DHX16: variants seen among roughly 807,000 people sequenced by gnomAD.
The protein encoded by DHX16 is DEAH-box helicase 16, also known as pre-mRNA-splicing factor ATP-dependent RNA helicase DHX16.
Under a neutral mutation model 131.2 loss-of-function variants are expected in DHX16, and 81 were observed. That is an observed-to-expected ratio of 0.62 (90% confidence interval 0.52 to 0.74). The LOEUF is 0.74. DHX16 is among the 30% of genes least tolerant of loss of function. DHX16 has a pLI of 0.00. For missense variants in DHX16, 980 were observed against 1,363.1 expected (o/e 0.72, Z 4.43); for synonymous variants, 440 against 520.2 (o/e 0.85, Z 2.10).
In DHX16 at chr6:30,656,099, A is replaced by G; in HGVS notation, c.2498+99T>C. The G allele has an allele frequency of 2.6e-6, 3 of 1,134,950 alleles. No individual in the cohort carries two copies. The highest frequency in any genetic ancestry group is 2.5e-5 in the South Asian group (2 of 81,288). 70.3% of individuals were successfully genotyped at this position (1,134,950 alleles called of 1,614,324 possible). A position where few individuals can be genotyped will look rare whatever the true frequency, so the allele number is the denominator to read the frequency against. ...AATACTTTATTATGTGTTAAGGGAT[A>G]GTATGATGAACAGAAAAAGACAGAC... On this transcript the variant is annotated intron_variant, in intron 16 of 19. Transcript: ENST00000376442. The surrounding 1 kb of genome is among the most constrained non-coding windows in gnomAD (Gnocchi z 5.1).
chr6:30,672,652 G>A lies in DHX16; in HGVS notation c.190C>T (p.Leu64=), dbSNP rs779309174. The A allele has an allele frequency of 3.8e-5, 62 of 1,612,518 alleles. No individual in the cohort carries two copies. The South Asian group carries it at 6.3e-4, about 16-fold the overall frequency. The part of the protein sequence containing the change: ...DLSGPARDFA[L]RLWNKVPRKA... ...GCCGACACCTTGTTCCAGAGTCTCA[G>A]GGCGAAGTCCCGGGCCGGCCCACTG... The change falls in exon 1 of 20, where the codon CTG becomes TTG. Residue 64 remains leucine, a synonymous_variant. Coordinates refer to ENST00000376442, the MANE Select transcript of DHX16 (RefSeq NM_003587.5).
At position 30,656,935 on chromosome 6, in the gene DHX16, T is replaced by G. The variant is rs749899750; in HGVS notation, c.2148+17A>C. On this transcript the variant is annotated intron_variant, in intron 13 of 19. Transcript: ENST00000376442. The surrounding 1 kb of genome is among the most constrained non-coding windows in gnomAD (Gnocchi z 5.1). ...GCCAACTCCACCTCCCCCACTCCCATGCATCCCCAGGCTGACCTTGCTGCA... is the reference window on the plus strand; with the variant it reads ...GCCAACTCCACCTCCCCCACTCCCAGGCATCCCCAGGCTGACCTTGCTGCA... 1 of 1,607,912 alleles carries G rather than the reference T, an allele frequency of 6.2e-7. No homozygotes were observed. Among genetic ancestry groups the G allele is most frequent in the Non-Finnish European group, 8.5e-7 (1 of 1,176,858 alleles).
Position 30,664,805 on chromosome 6 carries a change from T to A in DHX16, c.1313A>T (p.Glu438Val). 6.2e-7 allele frequency: 1 copy of A among 1,612,226 alleles called. No individual in the cohort carries two copies. Among genetic ancestry groups the A allele is most frequent in the Non-Finnish European group, 8.5e-7 (1 of 1,179,352 alleles). Residue 438 changes from glutamate (E) to valine (V), a missense_variant, in exon 7 of 20, where the codon GAG becomes GTG. By Grantham distance (121) the Glu-to-Val change is moderately radical. Coordinates refer to ENST00000376442, the MANE Select transcript of DHX16 (RefSeq NM_003587.5). ...KTTQIPQYLF[E>V]EGYTNKGMKI... ...TGAAGGGTGAGATGACTGTACCTCCTCAAAGAGATACTGCGGGATCTGGGT... is the reference window on the plus strand; with the variant it reads ...TGAAGGGTGAGATGACTGTACCTCCACAAAGAGATACTGCGGGATCTGGGT...
chr6:30,668,420 G>C (rs6933249), intron 4 of DHX16, among the ~76,000 whole-genome samples: 7,453 of 152,202 alleles, frequency 0.049, 368 homozygotes, highest in African/African-American at 0.12. Flanking sequence ...GGAGACCGAG[G>C]GGGGTGGATC....
rs185318887 is a variant in DHX16, at chr6:30,667,110, T to C, written c.667-1377A>G. On this transcript the variant is annotated intron_variant, in intron 4 of 19. Transcript: ENST00000376442. ...AAACAAAAAACAAGGGAAAAAAATC[T>C]GTCACCAGTGAAATGACTGTTACAG... 6.9e-4 allele frequency among the ~76,000 whole-genome samples: 105 copies of C among 152,298 alleles called. 2 individuals carry two copies. The East Asian group carries it at 0.017, about 24-fold the overall frequency.
At chr6:30,669,766 AAG>A (rs1554166989) in intron 4 of DHX16, among the ~76,000 whole-genome samples, 15 of 151,004 alleles carry the variant, frequency 9.9e-5, no homozygotes, top group Admixed American at 6.6e-4. Context: ...AAAAAAAAAA[AAG>A]GAACTTCAAG....
rs778776322 is a variant in DHX16 at position 30,660,082 on chromosome 6, CAG to C, written c.1703_1704del (p.Pro568ArgfsTer22). 11 of 1,612,736 alleles carry C rather than the reference CAG, an allele frequency of 6.8e-6. No individual in the cohort carries two copies. Among genetic ancestry groups the C allele is most frequent in the Non-Finnish European group, 9.3e-6 (11 of 1,179,942 alleles). ...AACCTGCGTCCGGGGATTCGAAACA[CAG>C]GGGCGTCATCAAAGAAGGTGGAAAA... Reference protein sequence around the residue: ...ARFSTFFDDAPVFRIPGRRFP... With the variant: ...ARFSTFFDDAXVFRIPGRRFP... On this transcript the variant is annotated frameshift_variant, in exon 10 of 20. Coordinates refer to ENST00000376442, the MANE Select transcript of DHX16 (RefSeq NM_003587.5). LOFTEE classifies it high-confidence loss of function.
chr6:30,666,877 T>G (rs1002751186), intron 4 of DHX16, among the ~76,000 whole-genome samples: 5 of 152,230 alleles, frequency 3.3e-5, no homozygotes, highest in African/African-American at 7.2e-5. Flanking sequence ...TGGCTTTTCT[T>G]GTTTGTTCTG....
intron 12 of DHX16, among the ~76,000 whole-genome samples, chr6:30,657,327 GTTT>G (rs11439180): frequency 1.6e-4 from 23 of 140,500 alleles, no homozygotes; most frequent in African/African-American, 5.7e-4. Flanking sequence ...AGGATTTAGG[GTTT>G]TTTTTTTTTT....
At chr6:30,669,618 G>C (rs556466334) in intron 4 of DHX16, among the ~76,000 whole-genome samples, 1 of 151,326 alleles carries the variant, frequency 6.6e-6, no homozygotes, top group African/African-American at 2.4e-5. Context: ...TTAGCCAGGC[G>C]TGGTGGTGTG....
intron 1 of DHX16, 34 bp from the exon 2 acceptor site, chr6:30,671,308 C>T (rs191902713): frequency 1.3e-6 from 2 of 1,580,086 alleles, no homozygotes; most frequent in East Asian, 4.5e-5. Context: ...GAGGTCTGAG[C>T]AACTCCTGAT....
chr6:30,658,016 CCT>C (rs1043575264), intron 12 of DHX16, among the ~76,000 whole-genome samples: 9 of 152,202 alleles, frequency 5.9e-5, no homozygotes, highest in South Asian at 2.1e-4. Context: ...ATCATCAACC[CCT>C]GTGTACCTGA....
rs1321287767 is a variant in DHX16, at chr6:30,672,722, G to C, written c.120C>G (p.Ala40=). ...LIGTAQRCTS[A]EEFVQRLRDT... ...CTCGTAGGCGCTGCACGAACTCCTC[G>C]GCAGAGGTGCAGCGCTGTGCGGTAC... The change falls in exon 1 of 20, where the codon GCC becomes GCG. Residue 40 remains alanine (A), a synonymous_variant. Transcript: ENST00000376442. 4 of 1,612,968 alleles carry C rather than the reference G, an allele frequency of 2.5e-6. No homozygotes were observed. Among genetic ancestry groups the C allele is most frequent in the Non-Finnish European group, 3.4e-6 (4 of 1,179,986 alleles).
At position 30,655,465 on chromosome 6, in the gene DHX16, G is replaced by A; in HGVS notation, c.2631C>T (p.Asp877=). The change falls in exon 17 of 20, where the codon GAC becomes GAT. Residue 877 remains aspartate (D), a synonymous_variant. Coordinates refer to ENST00000376442, the MANE Select transcript of DHX16 (RefSeq NM_003587.5). ...TGTAAACATTTAGCAGAACCAGGTG[G>A]TCACCGCCAGGGAGAAAGAAGTTGA... ...ARVNFFLPGG[D]HLVLLNVYTQ... is the part of the protein sequence containing the mutation. 1 of 1,613,582 alleles carries A rather than the reference G, an allele frequency of 6.2e-7. No homozygotes were observed. Among genetic ancestry groups the A allele is most frequent in the Non-Finnish European group, 8.5e-7 (1 of 1,180,044 alleles).
chr6:30,655,716 T>A, intron 16 of DHX16, 119 bp from the exon 17 acceptor site: 2 of 1,184,302 alleles, frequency 1.7e-6, no homozygotes, highest in African/African-American at 1.5e-5. Flanking sequence ...CTGGTTGGCA[T>A]AATGGCTACA....
chr6:30,661,336 G>A (rs1474881081), intron 9 of DHX16, among the ~76,000 whole-genome samples: 1 of 152,152 alleles, frequency 6.6e-6, no homozygotes, highest in Non-Finnish European at 1.5e-5. Flanking sequence ...GCCTGCCTCT[G>A]CCTCCCAAAG....
rs2127594910 is a variant in DHX16, at chr6:30,670,419, C to T, written c.657G>A (p.Arg219=). ...QKRLKMAEED[R]KAMVPELRKK... ...AGGCCCTGGGACTCACCATGGCCTT[C>T]CGGTCTTCCTCGGCCATCTTGAGGC... The change falls in exon 4 of 20, where the codon CGG becomes CGA. Residue 219 remains arginine (R), a synonymous_variant. Transcript: ENST00000376442. This position sits in a 1 kb window ranked among gnomAD's most constrained non-coding sequence, Gnocchi z 4.4. 1 of 1,610,476 alleles carries T rather than the reference C, an allele frequency of 6.2e-7. No individual in the cohort carries two copies. Among genetic ancestry groups the T allele is most frequent in the Non-Finnish European group, 8.5e-7 (1 of 1,178,634 alleles).
chr6:30,654,439 A>G (rs1767759194), intron 19 of DHX16, among the ~76,000 whole-genome samples: 1 of 152,096 alleles, frequency 6.6e-6, no homozygotes, highest in South Asian at 2.1e-4. Flanking sequence ...AATCTCAGCT[A>G]CTTGGGAGGC....
intron 4 of DHX16, among the ~76,000 whole-genome samples, chr6:30,667,824 A>G (rs1561995283): frequency 6.6e-6 from 1 of 152,204 alleles, no homozygotes. Flanking sequence ...AATAAGCTTT[A>G]GACCCAATTC....
Sources: allele counts gnomAD v4.1 joint callset (sites outside exome capture counted in the v4.1 genomes callset), GRCh38; gene constraint gnomAD v4.1.1; non-coding constraint Gnocchi (gnomAD v3.1); transcripts MANE v1.5; gene names NCBI Gene and HGNC (gene_info 2026-07-23, HGNC 2026-07-21).